Variants in UNC79 observed in about 807,000 individuals in gnomAD.
UNC79 encodes unc-79 subunit of NALCN channel complex.
UNC79 carries 37 observed loss-of-function variants against 283.1 expected under a neutral mutation model. The ratio of observed to expected loss-of-function variants is 0.13; its 90% CI spans 0.10 to 0.17. The LOEUF (loss-of-function observed/expected upper bound fraction) is 0.17, where lower values mean the gene tolerates loss of function less well. Among genes scored for constraint, UNC79 ranks in the 10% least tolerant of loss-of-function variants. The pLI, the probability that UNC79 is intolerant of heterozygous loss-of-function variation, is 1.00. For missense variants in UNC79, 2,272 were observed against 3,211.1 expected, an observed-to-expected ratio of 0.71 and a Z score of 7.07; for synonymous variants, 1,107 against 1,200.2, an observed-to-expected ratio of 0.92 and a Z score of 1.61.
chr14:93,400,019 G>A (rs1013759559), intron 1 of UNC79, among the ~76,000 whole-genome samples: 1 of 152,138 alleles, frequency 6.6e-6, no homozygotes, highest in African/African-American at 2.4e-5. Flanking sequence ...AGAGTCAATG[G>A]ATCTGCATGT....
chr14:93,495,420 G>A (rs999235350), intron 5 of UNC79, among the ~76,000 whole-genome samples: 10 of 152,126 alleles, frequency 6.6e-5, no homozygotes, highest in Admixed American at 2.0e-4. Flanking sequence ...CTGCCCCCAC[G>A]ATCCAATCAC....
chr14:93,526,690 C>T (rs2060565247), intron 8 of UNC79, among the ~76,000 whole-genome samples: 1 of 152,104 alleles, frequency 6.6e-6, no homozygotes, highest in African/African-American at 2.4e-5. Flanking sequence ...ACTCACTAGA[C>T]CAACTACAGA....
At chr14:93,633,283 C>G (rs1489868700) in intron 31 of UNC79, among the ~76,000 whole-genome samples, 1 of 152,166 alleles carries the variant, frequency 6.6e-6, no homozygotes, top group Non-Finnish European at 1.5e-5. Flanking sequence ...CACAAGAATT[C>G]CCATCACATC....
chr14:93,449,405 A>G (rs1440016625), intron 1 of UNC79, among the ~76,000 whole-genome samples: 1 of 152,226 alleles, frequency 6.6e-6, no homozygotes. Context: ...TTCTGGGTCA[A>G]AATGAAGTCA....
upstream of UNC79, among the ~76,000 whole-genome samples, chr14:93,427,224 C>G (rs981809607): frequency 1.3e-5 from 2 of 152,054 alleles, no homozygotes; most frequent in African/African-American, 2.4e-5. Context: ...TTTCTAGCAG[C>G]TATAATTGCT....
At chr14:93,337,364 A>G (rs147811642) in intron 1 of UNC79, among the ~76,000 whole-genome samples, 116 of 152,342 alleles carry the variant, frequency 7.6e-4, no homozygotes, top group African/African-American at 2.7e-3. Flanking sequence ...CTTCCTTGAC[A>G]TGGGACAAGA....
At chr14:93,689,110 C>G (rs1417131809) in intron 44 of UNC79, 2 of 448,376 alleles carry the variant, frequency 4.5e-6, no homozygotes, top group Admixed American at 3.9e-5. Flanking sequence ...AGAATTACCA[C>G]TTTAATGCTT....
chr14:93,569,815 A>AT (rs2141579655), intron 14 of UNC79, among the ~76,000 whole-genome samples: 1 of 152,344 alleles, frequency 6.6e-6, no homozygotes, highest in South Asian at 2.1e-4. Context: ...AGTATCTGCA[A>AT]GCATCTTTTG....
intron 7 of UNC79, among the ~76,000 whole-genome samples, chr14:93,518,088 T>C (rs1178531040): frequency 6.6e-6 from 1 of 152,142 alleles, no homozygotes; most frequent in Non-Finnish European, 1.5e-5. Flanking sequence ...TTCATCTGGT[T>C]CCATTTACAG....
chr14:93,475,269 G>A (rs1212275267), intron 3 of UNC79, among the ~76,000 whole-genome samples: 2 of 152,178 alleles, frequency 1.3e-5, no homozygotes, highest in African/African-American at 4.8e-5. Flanking sequence ...GTCCCTGAAA[G>A]TATGATAACC....
intron 8 of UNC79, 35 bp from the exon 9 acceptor site, chr14:93,528,523 C>T (rs770833360): frequency 1.9e-5 from 30 of 1,586,640 alleles, no homozygotes; most frequent in East Asian, 9.0e-5. Flanking sequence ...TACCCAGGAA[C>T]AGGAGAGTTC....
intron 14 of UNC79, among the ~76,000 whole-genome samples, chr14:93,561,351 C>T: frequency 6.6e-6 from 1 of 152,060 alleles, no homozygotes; most frequent in Middle Eastern, 3.2e-3. Flanking sequence ...TGGAGGAGGG[C>T]AGCAGCTTGC....
At chr14:93,342,746 C>T (rs1415181621) in intron 1 of UNC79, among the ~76,000 whole-genome samples, 1 of 152,242 alleles carries the variant, frequency 6.6e-6, no homozygotes, top group Non-Finnish European at 1.5e-5. Flanking sequence ...AAAGCTAGGT[C>T]ACATCTTGAA....
At chr14:93,552,478 G>T (rs996676080) in intron 14 of UNC79, among the ~76,000 whole-genome samples, 1 of 152,040 alleles carries the variant, frequency 6.6e-6, no homozygotes, top group African/African-American at 2.4e-5. Flanking sequence ...ATGTTAGTTT[G>T]GAGACTTGCA....
chr14:93,510,351 A>C (rs1268639727), intron 7 of UNC79, among the ~76,000 whole-genome samples: 1 of 152,184 alleles, frequency 6.6e-6, no homozygotes, highest in African/African-American at 2.4e-5. Flanking sequence ...AGCTGGCTTG[A>C]ATTCCTCCCC....
chr14:93,445,202 AT>A (rs780265304), intron 1 of UNC79, among the ~76,000 whole-genome samples: 3 of 152,212 alleles, frequency 2.0e-5, no homozygotes, highest in Non-Finnish European at 2.9e-5. Flanking sequence ...AAAGAAAAAA[AT>A]ATATGTATAA....
intron 1 of UNC79, chr14:93,464,582 C>T: frequency 2.2e-6 from 1 of 456,238 alleles, no homozygotes. Flanking sequence ...AAAATTCAGT[C>T]AATAACAGAT....
chr14:93,646,455 C>T (rs187433419), intron 34 of UNC79, among the ~76,000 whole-genome samples, 153 bp from the exon 38 acceptor site: 1 of 152,296 alleles, frequency 6.6e-6, no homozygotes, highest in East Asian at 1.9e-4. Context: ...AGACTGACCA[C>T]TGAGTGGGCC....
chr14:93,516,714 C>T (rs573846157), intron 7 of UNC79, among the ~76,000 whole-genome samples: 9 of 152,186 alleles, frequency 5.9e-5, no homozygotes, highest in African/African-American at 2.2e-4. Context: ...TCCCAAAGTG[C>T]TGGGATTACA....
Sources: gnomAD v4.1 joint callset for allele counts (sites outside exome capture counted in the v4.1 genomes callset) on GRCh38, gnomAD v4.1.1 for gene constraint, MANE v1.5 for transcripts, NCBI Gene and HGNC (gene_info 2026-07-23, HGNC 2026-07-21) for gene names.